AGMO: variants seen among roughly 807,000 people sequenced by gnomAD.
AGMO encodes alkylglycerol monooxygenase, also known as glyceryl-ether monooxygenase.
Under a neutral mutation model 60.2 loss-of-function variants are expected in AGMO, and 75 were observed. The ratio of observed to expected loss-of-function variants is 1.25; its 90% confidence interval spans 1.03 to 1.51. The LOEUF is 1.51. AGMO is among the 40% of genes most tolerant of loss of function. The pLI is 0.00. For synonymous variants in AGMO, 261 were observed against 177.1 expected, an observed-to-expected ratio of 1.47 and a Z score of -3.76; for missense variants, 763 against 525.5, an observed-to-expected ratio of 1.45 and a Z score of -4.42.
At chr7:15,223,975 T>C (rs1781999035) in intron 12 of AGMO, among the ~76,000 whole-genome samples, 1 of 152,020 alleles carries the variant, frequency 6.6e-6, no homozygotes, top group South Asian at 2.1e-4. Flanking sequence ...AGTAAAAACT[T>C]TATTATTTAA....
intron 12 of AGMO, among the ~76,000 whole-genome samples, chr7:15,278,817 C>T (rs549611682): frequency 6.6e-6 from 1 of 152,230 alleles, no homozygotes; most frequent in East Asian, 1.9e-4. Flanking sequence ...CCTCTGGGGA[C>T]AGGACTCTCA....
intron 3 of AGMO, among the ~76,000 whole-genome samples, chr7:15,489,684 C>T (rs1420315475): frequency 6.6e-6 from 1 of 152,138 alleles, no homozygotes; most frequent in Non-Finnish European, 1.5e-5. Context: ...ACACAAAGTC[C>T]CCAGTTGAAA....
intron 3 of AGMO, among the ~76,000 whole-genome samples, chr7:15,453,275 G>C (rs968903189): frequency 6.6e-6 from 1 of 152,114 alleles, no homozygotes; most frequent in Non-Finnish European, 1.5e-5. Flanking sequence ...GGAGAGTAAA[G>C]AAAGGGGAAA....
chr7:15,443,907 T>G (rs1049886471), intron 3 of AGMO, among the ~76,000 whole-genome samples: 2 of 152,194 alleles, frequency 1.3e-5, no homozygotes, highest in African/African-American at 4.8e-5. Context: ...GTCAAAGTAT[T>G]CTTCGTCTTT....
downstream of AGMO, among the ~76,000 whole-genome samples, chr7:15,199,395 A>T (rs1781216514): frequency 6.6e-6 from 1 of 152,170 alleles, no homozygotes; most frequent in Non-Finnish European, 1.5e-5. Context: ...CATTTGGGGG[A>T]ATTATTTATT....
intron 10 of AGMO, among the ~76,000 whole-genome samples, chr7:15,369,839 T>G (rs984635854): frequency 6.6e-6 from 1 of 152,208 alleles, no homozygotes; most frequent in Non-Finnish European, 1.5e-5. Context: ...TGTTTTAGTA[T>G]TAATACATTA....
intron 12 of AGMO, among the ~76,000 whole-genome samples, chr7:15,236,725 T>A (rs1024135986): frequency 5.3e-5 from 8 of 152,088 alleles, no homozygotes; most frequent in Non-Finnish European, 1.2e-4. Flanking sequence ...CTCATTGCTA[T>A]CTACTGGAAG....
Position 15,336,784 on chromosome 7 carries a change from T to C in AGMO, c.1263+28730A>G, listed in dbSNP as rs140203734. 3.0e-4 allele frequency among the ~76,000 whole-genome samples: 46 copies of C among 152,298 alleles called. No individual in the cohort carries two copies. The East Asian group carries it at 8.7e-3, about 29-fold the overall frequency. ...CTTAGGTTATAATAATTACATGATT[T>C]AAAAAAGCATTTATTAAGTAATTAC... On this transcript the variant is annotated intron_variant, in intron 12 of 12. Transcript: ENST00000342526.
intron 12 of AGMO, among the ~76,000 whole-genome samples, chr7:15,250,981 A>G (rs1427054754): frequency 6.6e-6 from 1 of 152,060 alleles, no homozygotes; most frequent in African/African-American, 2.4e-5. Flanking sequence ...TGAATGTGTT[A>G]GCAGGAAAAA....
At chr7:15,201,742 G>A (rs1781289081) in intron 12 of AGMO, among the ~76,000 whole-genome samples, 1 of 152,022 alleles carries the variant, frequency 6.6e-6, no homozygotes, top group South Asian at 2.1e-4. Flanking sequence ...TTTGGAATAG[G>A]AGAAGTAAAA....
chr7:15,182,411 T>TA, the AGMO span, among the ~76,000 whole-genome samples: 3 of 152,142 alleles, frequency 2.0e-5, no homozygotes, highest in African/African-American at 4.8e-5. Context: ...AATACACTGT[T>TA]TTTATTTATT....
intron 3 of AGMO, among the ~76,000 whole-genome samples, chr7:15,474,052 G>A (rs1361363297): frequency 1.3e-5 from 2 of 152,020 alleles, no homozygotes; most frequent in African/African-American, 2.4e-5. Context: ...AAACCAGAGA[G>A]GACACAAACA....
chr7:15,493,218 T>C (rs187402399), intron 3 of AGMO, among the ~76,000 whole-genome samples: 15 of 152,044 alleles, frequency 9.9e-5, no homozygotes, highest in Non-Finnish European at 1.6e-4. Flanking sequence ...ATAATTGTTA[T>C]CCAAATTCAG....
intron 5 of AGMO, among the ~76,000 whole-genome samples, chr7:15,416,045 G>A (rs943096114): frequency 8.4e-5 from 4 of 47,540 alleles, no homozygotes; most frequent in African/African-American, 3.4e-4. Flanking sequence ...TTTTTTTTTT[G>A]GAGGTGGGCA....
intron 3 of AGMO, among the ~76,000 whole-genome samples, chr7:15,455,079 TCTCACACACA>T (rs1025015549): frequency 1.6e-4 from 17 of 104,164 alleles, no homozygotes; most frequent in African/African-American, 6.6e-4. Context: ...TCTCTCTCTT[TCTCACACACA>T]CACACACACA....
intron 3 of AGMO, among the ~76,000 whole-genome samples, chr7:15,432,379 T>TATATATATATATATACAC (rs373845365): frequency 1.5e-5 from 2 of 136,196 alleles, no homozygotes; most frequent in African/African-American, 5.6e-5. Flanking sequence ...CATATATATA[T>TATATATATATATATACAC]ACACTATCTG....
chr7:15,510,957 T>G (rs978192100), intron 3 of AGMO, among the ~76,000 whole-genome samples: 2 of 150,474 alleles, frequency 1.3e-5, no homozygotes, highest in Non-Finnish European at 3.0e-5. Context: ...TATAAACAAG[T>G]TCCTATGGCT....
rs190675035 is a variant in AGMO, at chr7:15,430,368, A to C, written c.513+637T>G. On this transcript the variant is annotated intron_variant, in intron 4 of 12. Coordinates refer to ENST00000342526, the MANE Select transcript of AGMO (RefSeq NM_001004320.2). Reference sequence around the variant, plus strand: ...TTCAGTATCATGTATTTTCATAACCAAGAAGAGCTAAGCAAGGAAGATGAC... The same window carrying C: ...TTCAGTATCATGTATTTTCATAACCCAGAAGAGCTAAGCAAGGAAGATGAC... Among the ~76,000 whole-genome samples the C allele has an allele frequency of 9.0e-3, 1,370 of 151,596 alleles. 20 individuals are homozygous for C. Among genetic ancestry groups the C allele is most frequent in the Middle Eastern group, 0.031 (9 of 292 alleles).
intron 12 of AGMO, among the ~76,000 whole-genome samples, chr7:15,339,969 T>G (rs112863789): frequency 4.1e-4 from 63 of 152,310 alleles, no homozygotes; most frequent in African/African-American, 1.5e-3. Flanking sequence ...AACAAGTGAC[T>G]GTGACTGAGG....
Sources: gnomAD v4.1 joint callset for allele counts (sites outside exome capture counted in the v4.1 genomes callset) on GRCh38, gnomAD v4.1.1 for gene constraint, MANE v1.5 for transcripts, NCBI Gene and HGNC (gene_info 2026-07-23, HGNC 2026-07-21) for gene names.